PCDHA3: variants seen among roughly 807,000 people sequenced by gnomAD.
PCDHA3 encodes protocadherin alpha-3.
PCDHA3 carries 41 observed loss-of-function variants against 62.2 expected under a neutral mutation model. The ratio of observed to expected loss-of-function variants is 0.66; its 90% confidence interval spans 0.51 to 0.86. The LOEUF (loss-of-function observed/expected upper bound fraction) is 0.86, where lower values mean the gene tolerates loss of function less well. Ranked by LOEUF, PCDHA3 falls within the 40% of genes least tolerant of loss-of-function variation. The pLI is 0.00. For missense variants in PCDHA3, 1,304 were observed against 1,241.2 expected (o/e 1.05, Z -0.76); for synonymous variants, 640 against 555.4 (o/e 1.15, Z -2.14).
chr5:140,934,331 A>C (rs1313968911), intron 1 of PCDHA3, among the ~76,000 whole-genome samples: 1 of 152,116 alleles, frequency 6.6e-6, no homozygotes, highest in East Asian at 1.9e-4. Flanking sequence ...CATGAATGTA[A>C]TAACCACCAG....
rs2098420803 is a variant in PCDHA3, at chr5:141,011,492, A to G, written c.*1555A>G. 1 of 153,698 alleles carries G rather than the reference A, an allele frequency of 6.5e-6. No individual in the cohort carries two copies. Among genetic ancestry groups the G allele is most frequent in the African/African-American group, 2.4e-5 (1 of 41,432 alleles). 9.5% of individuals were successfully genotyped at this position (153,698 alleles called of 1,614,324 possible). A position where few individuals can be genotyped will look rare whatever the true frequency, so the allele number is the denominator to read the frequency against. On this transcript the variant is annotated 3_prime_UTR_variant, in exon 4 of 4. Transcript: ENST00000522353. ...AATTCCATTATATTTCCTTTTGTAC[A>G]CCTGTGAAAAAGTGGAGTAGTGTTT... is the stretch of plus-strand genomic sequence containing the variant.
intron 1 of PCDHA3, chr5:140,808,862 A>G: frequency 6.2e-7 from 1 of 1,613,136 alleles, no homozygotes; most frequent in Non-Finnish European, 8.5e-7. Flanking sequence ...GCTGGACGAA[A>G]ACGACAACGC....
chr5:140,927,886 G>C, intron 1 of PCDHA3: 1 of 1,614,210 alleles, frequency 6.2e-7, no homozygotes, highest in Non-Finnish European at 8.5e-7. Flanking sequence ...GGAGGTGACT[G>C]ACGTGAACGA....
intron 1 of PCDHA3, among the ~76,000 whole-genome samples, chr5:140,911,000 C>T (rs139648608): frequency 1.9e-3 from 291 of 152,218 alleles, no homozygotes; most frequent in African/African-American, 6.7e-3. Context: ...ACCCCTAGGG[C>T]CCTCCTGGGA....
Position 140,850,693 on chromosome 5 carries a change from C to G in PCDHA3, c.2394+47102C>G, listed in dbSNP as rs138234390. On this transcript the variant is annotated intron_variant, in intron 1 of 3. Coordinates refer to ENST00000522353, the MANE Select transcript of PCDHA3 (RefSeq NM_018906.3). ...GCGATGCCCACCGAGGGCGAGTGCG[C>G]GCCTGGCAAGCCGACGCTGGTGTGT... 2.8e-3 allele frequency: 4,547 copies of G among 1,598,322 alleles called. 355 individuals carry two copies. In the South Asian group the frequency reaches 0.039, roughly 14 times the overall value.
chr5:140,852,913 C>G, intron 1 of PCDHA3: 9 of 789,792 alleles, frequency 1.1e-5, no homozygotes, highest in Non-Finnish European at 1.4e-5. Flanking sequence ...GAGTCTCGCT[C>G]TGTTGCCCAG....
chr5:140,915,681 G>C (rs1261107431), intron 1 of PCDHA3, among the ~76,000 whole-genome samples: 1 of 151,116 alleles, frequency 6.6e-6, no homozygotes, highest in Non-Finnish European at 1.5e-5. Context: ...TCTTGAACTA[G>C]GGGTATGGTG....
intron 1 of PCDHA3, among the ~76,000 whole-genome samples, chr5:140,978,727 G>A (rs1382730289): frequency 1.3e-5 from 2 of 152,198 alleles, no homozygotes; most frequent in South Asian, 2.1e-4. Flanking sequence ...TATTAAATCT[G>A]GTCTTCCAGG....
chr5:140,808,485 C>T, intron 1 of PCDHA3: 1 of 1,614,176 alleles, frequency 6.2e-7, no homozygotes, highest in East Asian at 2.2e-5. Flanking sequence ...GGGGGCTCGC[C>T]TTCGCTGTGG....
intron 1 of PCDHA3, chr5:140,853,093 A>T (rs1554146395): frequency 9.0e-6 from 3 of 333,900 alleles, no homozygotes; most frequent in Non-Finnish European, 1.3e-5. Context: ...GTTAGTCAGG[A>T]TGGTCTCGAT....
intron 1 of PCDHA3, among the ~76,000 whole-genome samples, chr5:140,931,556 A>T (rs2153608416): frequency 6.6e-6 from 1 of 152,166 alleles, no homozygotes; most frequent in East Asian, 1.9e-4. Context: ...ATGTGCAGGA[A>T]TATTGTACCA....
At chr5:140,874,188 A>G (rs1478438376) in intron 1 of PCDHA3, among the ~76,000 whole-genome samples, 2 of 152,208 alleles carry the variant, frequency 1.3e-5, no homozygotes, top group Non-Finnish European at 2.9e-5. Flanking sequence ...TAAAGGTGTC[A>G]TATTTCAGTT....
intron 1 of PCDHA3, chr5:140,834,534 G>T (rs1554134303): frequency 5.6e-6 from 9 of 1,614,094 alleles, no homozygotes; most frequent in South Asian, 1.1e-5. Flanking sequence ...CATCGCGCAG[G>T]ACCTGGGGCT....
chr5:140,835,862 G>A, intron 1 of PCDHA3: 1 of 1,612,116 alleles, frequency 6.2e-7, no homozygotes, highest in Non-Finnish European at 8.5e-7. Context: ...TGTCCTACTC[G>A]CTGGTGGAGC....
intron 1 of PCDHA3, chr5:140,856,728 T>C: frequency 6.3e-7 from 1 of 1,595,848 alleles, no homozygotes. Context: ...TCTGTTTCTC[T>C]GCTGATCCTG....
At chr5:140,809,629 T>C in intron 1 of PCDHA3, 9 of 1,505,976 alleles carry the variant, frequency 6.0e-6, no homozygotes, top group Non-Finnish European at 8.0e-6. Context: ...TATCAACTTC[T>C]TCGTAAATTT....
chr5:140,821,705 T>C (rs1230584423), intron 1 of PCDHA3: 1 of 1,429,244 alleles, frequency 7.0e-7, no homozygotes, highest in South Asian at 1.4e-5. Flanking sequence ...ATATAGTTAA[T>C]TGGGAATTGA....
Position 140,982,517 on chromosome 5 carries a change from A to T in PCDHA3, c.2496A>T (p.Pro832=), listed in dbSNP as rs990701966. The T allele has an allele frequency of 2.5e-5, 41 of 1,614,116 alleles. No individual in the cohort carries two copies. The highest frequency in any genetic ancestry group is 3.4e-5 in the Non-Finnish European group (40 of 1,180,048). Residue 832 remains proline, a synonymous_variant, in exon 3 of 4, where the codon CCA becomes CCT. Coordinates refer to ENST00000522353, the MANE Select transcript of PCDHA3 (RefSeq NM_018906.3). The part of the protein sequence containing the change: ...LEEAGILRAG[P]GGPDQQWPTV... ...AGGCTGGCATTCTACGGGCTGGTCC[A>T]GGAGGGCCTGATCAGCAGTGGCCAA...
At chr5:140,839,929 A>G (rs1196921808) in intron 1 of PCDHA3, among the ~76,000 whole-genome samples, 3 of 152,064 alleles carry the variant, frequency 2.0e-5, no homozygotes, top group Non-Finnish European at 2.9e-5. Context: ...TTGAACAAAG[A>G]GTGTGCCAAG....
Sources: allele counts gnomAD v4.1 joint callset (sites outside exome capture counted in the v4.1 genomes callset), GRCh38; gene constraint gnomAD v4.1.1; transcripts MANE v1.5; gene names NCBI Gene and HGNC (gene_info 2026-07-23, HGNC 2026-07-21).